The following ABI2 variants were observed in gnomAD, a reference collection of about 807,000 sequenced individuals.
ABI2 encodes the protein abl interactor 2.
In ABI2, 25 loss-of-function variants were observed where a neutral mutation model predicts 59.2. That is an observed-to-expected ratio of 0.42 (90% CI 0.31 to 0.59). The LOEUF is 0.59. Among genes scored for constraint, ABI2 ranks in the 20% least tolerant of loss-of-function variants. ABI2 has a pLI of 0.14. For synonymous variants in ABI2, 213 were observed against 235.5 expected, an observed-to-expected ratio of 0.90 and a Z score of 0.87; for missense variants, 545 against 681.8, an observed-to-expected ratio of 0.80 and a Z score of 2.23.
intron 5 of ABI2, chr2:203,394,471 T>G: frequency 2.0e-6 from 1 of 489,222 alleles, no homozygotes; most frequent in Middle Eastern, 5.5e-4. Context: ...TGAACAAAAT[T>G]GCATTAGCAC....
Position 203,431,937 on chromosome 2 carries a change from T to C in ABI2, c.*4585T>C, listed in dbSNP as rs2098487231. The C allele has an allele frequency of 6.6e-6, 1 of 152,196 alleles. No individual in the cohort carries two copies. The highest frequency in any genetic ancestry group is 1.5e-5 in the Non-Finnish European group (1 of 68,036). 9.4% of individuals were successfully genotyped at this position (152,196 alleles called of 1,614,324 possible). ...TACAAAAAAGAATGTAAACAATTTG[T>C]GATCTGGCCAGTTGTACTTTTAGCT... is the stretch of plus-strand genomic sequence containing the variant. On this transcript the variant is annotated 3_prime_UTR_variant, in exon 12 of 12. Coordinates refer to ENST00000261018, the MANE Select transcript of ABI2 (RefSeq NM_001375670.1).
At chr2:203,414,187 C>T (rs558625250) in intron 10 of ABI2, among the ~76,000 whole-genome samples, 8 of 151,008 alleles carry the variant, frequency 5.3e-5, no homozygotes, top group Admixed American at 5.3e-4. Flanking sequence ...CTGCCACCTT[C>T]CCCTCCTGGG....
chr2:203,395,684 C>G lies in ABI2; in HGVS notation c.754C>G (p.Pro252Ala), dbSNP rs2096955408. ...SSSGSSGGSH[P>A]SSRSSSRENS... ...CAGTGGGAGTAGTGGAGGGAGCCAC[C>G]CAAGTAGTCGGAGCAGCAGTCGAGA... is the stretch of plus-strand genomic sequence containing the variant. The change falls in exon 7 of 12, where the codon CCA becomes GCA. Residue 252 changes from proline (P) to alanine (A), a missense_variant. Transcript: ENST00000261018. The G allele has an allele frequency of 1.3e-5, 21 of 1,611,824 alleles. No individual in the cohort carries two copies. Among genetic ancestry groups the G allele is most frequent in the Non-Finnish European group, 1.7e-5 (20 of 1,179,072 alleles).
At chr2:203,381,603 A>G (rs1222251797) in intron 3 of ABI2, among the ~76,000 whole-genome samples, 3 of 152,228 alleles carry the variant, frequency 2.0e-5, no homozygotes, top group Non-Finnish European at 4.4e-5. Flanking sequence ...ACATGCATTT[A>G]GATTACTAAT....
At chr2:203,400,073 T>G in intron 8 of ABI2, among the ~76,000 whole-genome samples, 1 of 140,864 alleles carries the variant, frequency 7.1e-6, no homozygotes, top group Non-Finnish European at 1.5e-5. Flanking sequence ...ATAGTGTGAA[T>G]AGTGTCTTTT....
intron 1 of ABI2, among the ~76,000 whole-genome samples, chr2:203,362,499 T>G (rs1466614728): frequency 6.6e-6 from 1 of 152,090 alleles, no homozygotes; most frequent in Non-Finnish European, 1.5e-5. Context: ...TTTATTTTGT[T>G]TTTTCTACTG....
chr2:203,402,175 C>T (rs2097252682), intron 8 of ABI2, among the ~76,000 whole-genome samples: 2 of 152,112 alleles, frequency 1.3e-5, no homozygotes, highest in South Asian at 2.1e-4. Context: ...GCTGGAATTA[C>T]AGGCGCACGC....
chr2:203,345,418 T>G (rs1440144845), intron 1 of ABI2, among the ~76,000 whole-genome samples: 1 of 152,136 alleles, frequency 6.6e-6, no homozygotes, highest in East Asian at 1.9e-4. Flanking sequence ...GTCCACGGGT[T>G]CATTCTTGAA....
Position 203,396,777 on chromosome 2 carries a change from C to T in ABI2, c.851-8C>T, listed in dbSNP as rs1180209021. The T allele has an allele frequency of 6.6e-6, 10 of 1,520,470 alleles. No homozygotes were observed. Among genetic ancestry groups the T allele is most frequent in the African/African-American group, 1.4e-5 (1 of 72,496 alleles). 94.2% of individuals were successfully genotyped at this position (1,520,470 alleles called of 1,614,324 possible). On this transcript the variant is annotated splice_region_variant and splice_polypyrimidine_tract_variant and intron_variant, in intron 7 of 11. Transcript: ENST00000261018. ...TTAATGCTGCCTCTTACTCCTCTTT[C>T]CCCTCAGCCCCTGCTGGCTCTGCTG...
chr2:203,329,419 G>T (rs1038894707), intron 1 of ABI2, among the ~76,000 whole-genome samples: 5 of 149,830 alleles, frequency 3.3e-5, no homozygotes, highest in Non-Finnish European at 7.4e-5. Context: ...CGTGTGTATG[G>T]AGGCGGGGGA....
chr2:203,413,156 C>T (rs1457946355), intron 10 of ABI2, among the ~76,000 whole-genome samples: 1 of 152,170 alleles, frequency 6.6e-6, no homozygotes, highest in Admixed American at 6.5e-5. Context: ...AAAAGTGGTT[C>T]TGAGCAGCTT....
rs997424055 is a variant in ABI2, at chr2:203,371,940, TA to T, written c.285+4897del. On this transcript the variant is annotated intron_variant, in intron 2 of 11. Transcript: ENST00000261018. ...TTTATTTTTATTTTATTTATTTATT[TA>T]TTTTTAATTGATCATTCTTGGGTGT... 3.5e-3 allele frequency among the ~76,000 whole-genome samples: 529 copies of T among 151,582 alleles called. 4 individuals are homozygous for T. Among genetic ancestry groups the T allele is most frequent in the African/African-American group, 0.012 (489 of 41,484 alleles).
At chr2:203,353,194 AT>A (rs148399160) in intron 1 of ABI2, among the ~76,000 whole-genome samples, 3 of 151,794 alleles carry the variant, frequency 2.0e-5, no homozygotes, top group Admixed American at 6.6e-5. Context: ...GGAATTTGTA[AT>A]TTTTTTTCAG....
intron 8 of ABI2, among the ~76,000 whole-genome samples, chr2:203,397,426 A>G (rs1419306501): frequency 6.6e-6 from 1 of 152,322 alleles, no homozygotes; most frequent in East Asian, 1.9e-4. Context: ...GCAGCATTGG[A>G]AACTCATAGA....
At chr2:203,345,711 A>C (rs1346803058) in intron 1 of ABI2, among the ~76,000 whole-genome samples, 2 of 150,534 alleles carry the variant, frequency 1.3e-5, no homozygotes, top group South Asian at 2.1e-4. Context: ...GCCCAGCCCT[A>C]ATTTTTGTAT....
chr2:203,328,732 G>A, intron 1 of ABI2, 101 bp downstream of exon 1: 1 of 669,568 alleles, frequency 1.5e-6, no homozygotes, highest in Non-Finnish European at 2.3e-6. Context: ...ACGGCCCAGC[G>A]GAGCCCCCGA....
At chr2:203,396,696 A>G in intron 7 of ABI2, 89 bp from the exon 8 acceptor site, 1 of 1,310,036 alleles carries the variant, frequency 7.6e-7, no homozygotes. Context: ...AGCACTGAAT[A>G]TCTAACATTA....
chr2:203,358,119 T>G (rs868384753), intron 1 of ABI2, among the ~76,000 whole-genome samples: 1,245 of 98,082 alleles, frequency 0.013, 10 homozygotes, highest in African/African-American at 0.033. Context: ...GTGTGTTTGT[T>G]TGTTTGTTTG....
chr2:203,367,667 A>G (rs1384114540), intron 2 of ABI2, among the ~76,000 whole-genome samples: 1 of 152,098 alleles, frequency 6.6e-6, no homozygotes, highest in Non-Finnish European at 1.5e-5. Context: ...CTCTGTTAAT[A>G]TTTTGGTATA....
Sources: gnomAD v4.1 joint callset for allele counts (sites outside exome capture counted in the v4.1 genomes callset) on GRCh38, gnomAD v4.1.1 for gene constraint, MANE v1.5 for transcripts, NCBI Gene and HGNC (gene_info 2026-07-23, HGNC 2026-07-21) for gene names.